The following ZDHHC14 variants were observed in gnomAD, a reference collection of about 807,000 sequenced individuals.
ZDHHC14 encodes the protein zDHHC palmitoyltransferase 14.
A neutral mutation model predicts 47.7 loss-of-function variants in ZDHHC14; 16 were observed. The observed-to-expected ratio is 0.34, with a 90% confidence interval of 0.23 to 0.51. The LOEUF is 0.51. ZDHHC14 is among the 20% of genes least tolerant of loss of function. ZDHHC14 has a pLI of 0.97. For synonymous variants in ZDHHC14, 293 were observed against 278.9 expected (o/e 1.05, Z -0.50); for missense variants, 515 against 662.5 (o/e 0.78, Z 2.44).
chr6:157,636,431 G>A (rs1441065342), intron 5 of ZDHHC14, among the ~76,000 whole-genome samples: 1 of 152,012 alleles, frequency 6.6e-6, no homozygotes, highest in African/African-American at 2.4e-5. Context: ...CAGAGTTCAG[G>A]TTGGAAATGC....
At chr6:157,650,678 C>T (rs561500619) in intron 7 of ZDHHC14, among the ~76,000 whole-genome samples, 10 of 150,990 alleles carry the variant, frequency 6.6e-5, no homozygotes, top group East Asian at 3.9e-4. Context: ...AGAGAGAGCA[C>T]GTCAGAGCAC....
At chr6:157,415,422 G>A (rs1777954154) in intron 1 of ZDHHC14, among the ~76,000 whole-genome samples, 1 of 152,198 alleles carries the variant, frequency 6.6e-6, no homozygotes, top group Admixed American at 6.5e-5. Flanking sequence ...CTCTCCAAAT[G>A]CTTATTGAGG....
At chr6:157,605,199 T>G (rs1784491424) in intron 3 of ZDHHC14, among the ~76,000 whole-genome samples, 1 of 152,216 alleles carries the variant, frequency 6.6e-6, no homozygotes, top group African/African-American at 2.4e-5. Context: ...ATGAAATAAT[T>G]TGGTTTGCTG....
chr6:157,662,135 A>AAATATTATAT (rs1402535735), intron 8 of ZDHHC14, among the ~76,000 whole-genome samples: 1 of 151,742 alleles, frequency 6.6e-6, no homozygotes, highest in Non-Finnish European at 1.5e-5. Flanking sequence ...AGAGCTTTGC[A>AAATATTATAT]ATTTACAGAG....
intron 1 of ZDHHC14, among the ~76,000 whole-genome samples, chr6:157,505,451 G>T (rs1583720133): frequency 6.6e-6 from 1 of 152,178 alleles, no homozygotes; most frequent in African/African-American, 2.4e-5. Flanking sequence ...GTTCGAAGGG[G>T]ATTAGAGAAG....
chr6:157,543,610 T>C (rs1001049843), intron 2 of ZDHHC14, among the ~76,000 whole-genome samples: 1 of 152,258 alleles, frequency 6.6e-6, no homozygotes, highest in African/African-American at 2.4e-5. Flanking sequence ...TGTAAGAAGA[T>C]AGAGCTGTGG....
intron 1 of ZDHHC14, among the ~76,000 whole-genome samples, chr6:157,429,163 T>A (rs1778286020): frequency 6.6e-6 from 1 of 152,148 alleles, no homozygotes. Flanking sequence ...TGTGCAGTGA[T>A]CATCTCGGCA....
chr6:157,432,074 A>G (rs1778349662), intron 1 of ZDHHC14, among the ~76,000 whole-genome samples: 1 of 151,940 alleles, frequency 6.6e-6, no homozygotes, highest in Non-Finnish European at 1.5e-5. Context: ...TTACTCTTGG[A>G]CCTTTAGAAA....
rs536481597 is a variant in ZDHHC14, at chr6:157,398,341, A to T, written c.245+16075A>T. 3.3e-5 allele frequency among the ~76,000 whole-genome samples: 5 copies of T among 152,330 alleles called. No individual in the cohort carries two copies. The East Asian group carries it at 9.6e-4, about 29-fold the overall frequency. On this transcript the variant is annotated intron_variant, in intron 1 of 8. Transcript: ENST00000359775. The stretch of plus-strand genomic sequence containing the variant: ...CAGGGATGTGGTTACTTCCACTGGC[A>T]TCATGTCAGGATGGAGGGGCAGCCT...
chr6:157,492,907 C>T (rs1436588194), intron 1 of ZDHHC14, among the ~76,000 whole-genome samples: 1 of 151,644 alleles, frequency 6.6e-6, no homozygotes, highest in Admixed American at 6.6e-5. Context: ...CTTGGAACAG[C>T]AAGAAAGGCT....
At chr6:157,393,071 G>A (rs1422699810) in intron 1 of ZDHHC14, among the ~76,000 whole-genome samples, 7 of 152,002 alleles carry the variant, frequency 4.6e-5, no homozygotes. Context: ...TAGAGACAGG[G>A]TTTCTCCATG....
In ZDHHC14 at chr6:157,567,983, C is replaced by T. The variant is rs113397194; in HGVS notation, c.407-25005C>T. Among the ~76,000 whole-genome samples, 1,198 of 152,244 alleles carry T rather than the reference C, an allele frequency of 7.9e-3. 14 individuals carry two copies. The highest frequency in any genetic ancestry group is 0.027 in the African/African-American group (1,137 of 41,530). On this transcript the variant is annotated intron_variant, in intron 2 of 8. Transcript: ENST00000359775. The stretch of plus-strand genomic sequence containing the variant: ...GCAGGTGGCCCCAATGAGTGAAATA[C>T]CTCCTTGTCATAGAGCTTCAGAGTG...
intron 3 of ZDHHC14, among the ~76,000 whole-genome samples, chr6:157,603,094 G>A (rs975717864): frequency 3.9e-5 from 6 of 152,150 alleles, no homozygotes; most frequent in Non-Finnish European, 7.3e-5. Flanking sequence ...AGGCTGGGAC[G>A]TCCACAGTGC....
intron 1 of ZDHHC14, among the ~76,000 whole-genome samples, chr6:157,528,736 A>C (rs187074154): frequency 2.6e-5 from 4 of 151,810 alleles, no homozygotes; most frequent in Admixed American, 2.6e-4. Context: ...CATCTCAAAA[A>C]AATAAAATAA....
At chr6:157,416,807 A>ATTT (rs5881208) in intron 1 of ZDHHC14, among the ~76,000 whole-genome samples, 9,179 of 137,410 alleles carry the variant, frequency 0.067, 468 homozygotes, top group Middle Eastern at 0.13. Flanking sequence ...TTGTTAGCAA[A>ATTT]TTTTTTTTTT....
chr6:157,664,342 G>A (rs1778465056), intron 8 of ZDHHC14, among the ~76,000 whole-genome samples: 1 of 152,104 alleles, frequency 6.6e-6, no homozygotes, highest in South Asian at 2.1e-4. Flanking sequence ...TTCTTTGTAT[G>A]TCTATTAATA....
intron 2 of ZDHHC14, among the ~76,000 whole-genome samples, chr6:157,581,251 G>T (rs1783508758): frequency 6.7e-6 from 1 of 149,370 alleles, no homozygotes; most frequent in South Asian, 2.1e-4. Flanking sequence ...TTTTTAGTAT[G>T]GATTTTTTAT....
At chr6:157,408,570 A>G (rs1051144968) in intron 1 of ZDHHC14, among the ~76,000 whole-genome samples, 1 of 152,122 alleles carries the variant, frequency 6.6e-6, no homozygotes, top group Non-Finnish European at 1.5e-5. Context: ...CTGTTCCTGC[A>G]TTAATTTCCT....
In ZDHHC14 at chr6:157,396,181, G is replaced by A. The variant is rs140140620; in HGVS notation, c.245+13915G>A. On this transcript the variant is annotated intron_variant, in intron 1 of 8. Coordinates refer to ENST00000359775, the MANE Select transcript of ZDHHC14 (RefSeq NM_024630.3). Reference sequence around the variant, plus strand: ...GGGTTAGTGAGAAGACCAGGGGCCTGCTTCACCTGCCGACCGTGCTGTTGA... The same window carrying A: ...GGGTTAGTGAGAAGACCAGGGGCCTACTTCACCTGCCGACCGTGCTGTTGA... Among the ~76,000 whole-genome samples the A allele has an allele frequency of 2.5e-3, 384 of 152,174 alleles. 2 individuals carry two copies. Among genetic ancestry groups the A allele is most frequent in the African/African-American group, 8.5e-3 (352 of 41,522 alleles).
Sources: allele counts gnomAD v4.1 joint callset (sites outside exome capture counted in the v4.1 genomes callset), GRCh38; gene constraint gnomAD v4.1.1; transcripts MANE v1.5; gene names NCBI Gene and HGNC (gene_info 2026-07-23, HGNC 2026-07-21).